DTNA: variants seen among roughly 807,000 people sequenced by gnomAD.
The protein encoded by DTNA is dystrobrevin alpha.
In DTNA, 43 loss-of-function variants were observed where a neutral mutation model predicts 100.7. The ratio of observed to expected loss-of-function variants is 0.43; its 90% CI spans 0.33 to 0.55. DTNA has a LOEUF of 0.55. DTNA is among the 20% of genes least tolerant of loss of function. The pLI, the probability that DTNA is intolerant of heterozygous loss-of-function variation, is 0.04. For synonymous variants in DTNA, 349 were observed against 347.9 expected (o/e 1.00, Z -0.04); for missense variants, 798 against 953.9 (o/e 0.84, Z 2.15).
intron 4 of DTNA, among the ~76,000 whole-genome samples, chr18:34,805,674 A>T (rs1014491908): frequency 6.6e-6 from 1 of 152,092 alleles, no homozygotes; most frequent in African/African-American, 2.4e-5. Context: ...TTGAAAAGTA[A>T]ATATATCACA....
At chr18:34,724,163 A>G (rs1243535662) in intron 1 of DTNA, among the ~76,000 whole-genome samples, 1 of 152,232 alleles carries the variant, frequency 6.6e-6, no homozygotes, top group Non-Finnish European at 1.5e-5. Context: ...GCATATCAGT[A>G]TGTATCAATG....
At chr18:34,772,936 T>G (rs558519170) in intron 3 of DTNA, among the ~76,000 whole-genome samples, 12 of 152,212 alleles carry the variant, frequency 7.9e-5, no homozygotes, top group African/African-American at 2.9e-4. Flanking sequence ...GGTTGTAGGA[T>G]TGGGGCCCCG....
At chr18:34,726,957 C>G (rs146761179) in intron 1 of DTNA, among the ~76,000 whole-genome samples, 12 of 152,362 alleles carry the variant, frequency 7.9e-5, no homozygotes, top group African/African-American at 1.7e-4. Flanking sequence ...CCAAGGCTTT[C>G]CTCTGATACA....
intron 3 of DTNA, among the ~76,000 whole-genome samples, chr18:34,779,770 A>AAAAATTT (rs1248258884): frequency 1.9e-4 from 29 of 152,332 alleles, no homozygotes; most frequent in Admixed American, 3.3e-4. Context: ...TTAAAAGGGA[A>AAAAATTT]AAAATTTAAC....
intron 1 of DTNA, among the ~76,000 whole-genome samples, chr18:34,742,412 C>T (rs1322869836): frequency 6.6e-6 from 1 of 152,038 alleles, no homozygotes; most frequent in Non-Finnish European, 1.5e-5. Context: ...TTCTGGAGGC[C>T]ACATGCATTT....
At chr18:34,665,010 T>A (rs1187887320) in intron 1 of DTNA, among the ~76,000 whole-genome samples, 2 of 151,264 alleles carry the variant, frequency 1.3e-5, no homozygotes, top group Admixed American at 6.6e-5. Context: ...AAGGTACTCA[T>A]CTCCCCAGAG....
At chr18:34,682,173 G>A (rs1341645587) in intron 1 of DTNA, among the ~76,000 whole-genome samples, 1 of 152,078 alleles carries the variant, frequency 6.6e-6, no homozygotes, top group African/African-American at 2.4e-5. Context: ...CTGCCTGGAT[G>A]TACCACATTT....
At chr18:34,755,241 C>A (rs1252404342) in intron 1 of DTNA, among the ~76,000 whole-genome samples, 4 of 152,176 alleles carry the variant, frequency 2.6e-5, no homozygotes, top group African/African-American at 9.7e-5. Flanking sequence ...TCATTATTTT[C>A]TTTTTCCTCA....
intron 20 of DTNA, 136 bp from the exon 21 acceptor site, chr18:34,881,933 C>G: frequency 2.5e-6 from 3 of 1,214,640 alleles, no homozygotes; most frequent in Non-Finnish European, 2.4e-6. Context: ...TTAGGTATTA[C>G]TAAAGAAGAC....
At chr18:34,526,316 A>G (rs1205506680) in intron 1 of DTNA, among the ~76,000 whole-genome samples, 1 of 152,158 alleles carries the variant, frequency 6.6e-6, no homozygotes, top group Non-Finnish European at 1.5e-5. Context: ...TTTAAAAATA[A>G]AACACTCTTA....
rs149216206 is a variant in DTNA, at chr18:34,690,255, A to G, written c.-1-65721A>G. ...AAATGGCCGCCTCATTTTGTGCTTG[A>G]AACCCAGGGCCCTTGTGGCACAGGC... On this transcript the variant is annotated intron_variant, in intron 1 of 19. Transcript: ENST00000283365. 7.3e-3 allele frequency among the ~76,000 whole-genome samples: 1,116 copies of G among 152,276 alleles called. 9 individuals carry two copies. Among genetic ancestry groups the G allele is most frequent in the African/African-American group, 0.025 (1,054 of 41,550 alleles).
chr18:34,792,093 GT>G (rs56247493), intron 3 of DTNA, among the ~76,000 whole-genome samples: 131,520 of 148,302 alleles, frequency 0.89, 58,427 homozygotes, highest in East Asian at 0.99. Context: ...GTAACCTGTT[GT>G]TTTTTTTTTT....
intron 15 of DTNA, among the ~76,000 whole-genome samples, chr18:34,855,465 C>G (rs1430150709): frequency 6.6e-6 from 1 of 152,190 alleles, no homozygotes; most frequent in Non-Finnish European, 1.5e-5. Flanking sequence ...CAAAATAGTG[C>G]TGAAATGTTA....
intron 1 of DTNA, among the ~76,000 whole-genome samples, chr18:34,514,635 A>T (rs1399950772): frequency 1.3e-5 from 2 of 152,030 alleles, no homozygotes; most frequent in East Asian, 1.9e-4. Context: ...AAGAACAGGA[A>T]TTTATTTCTC....
chr18:34,657,251 G>C (rs1464067861), intron 1 of DTNA, among the ~76,000 whole-genome samples: 2 of 152,050 alleles, frequency 1.3e-5, no homozygotes, highest in Admixed American at 6.6e-5. Context: ...ATAATGTAAG[G>C]TTGTCATTCT....
intron 5 of DTNA, among the ~76,000 whole-genome samples, chr18:34,811,574 TAA>T (rs2095487636): frequency 6.6e-6 from 1 of 152,202 alleles, no homozygotes; most frequent in Non-Finnish European, 1.5e-5. Flanking sequence ...AACTTTATAG[TAA>T]AACTCTCATT....
intron 1 of DTNA, among the ~76,000 whole-genome samples, chr18:34,662,135 G>GT (rs34780258): frequency 0.043 from 5,892 of 135,776 alleles, 127 homozygotes; most frequent in African/African-American, 0.066. Context: ...ACCGGTTGTT[G>GT]TTTTTTTTTT....
intron 1 of DTNA, among the ~76,000 whole-genome samples, chr18:34,640,152 T>C (rs1405322588): frequency 1.3e-4 from 20 of 152,210 alleles, no homozygotes; most frequent in Admixed American, 1.3e-3. Context: ...TGATAATGCT[T>C]TTTATATTTT....
intron 1 of DTNA, among the ~76,000 whole-genome samples, chr18:34,677,977 G>A (rs908362948): frequency 9.9e-5 from 15 of 152,190 alleles, no homozygotes; most frequent in Non-Finnish European, 1.9e-4. Context: ...CCAGATGGCT[G>A]GTGAGGCCTC....
Sources: gnomAD v4.1 joint callset for allele counts (sites outside exome capture counted in the v4.1 genomes callset) on GRCh38, gnomAD v4.1.1 for gene constraint, MANE v1.5 for transcripts, NCBI Gene and HGNC (gene_info 2026-07-23, HGNC 2026-07-21) for gene names.